Variants in ATF7IP observed in about 807,000 individuals in gnomAD.
The protein encoded by ATF7IP is activating transcription factor 7 interacting protein, also known as activating transcription factor 7-interacting protein 1.
In ATF7IP, 23 loss-of-function variants were observed where a neutral mutation model predicts 106.4. That is an observed-to-expected ratio of 0.22 (90% CI 0.16 to 0.31). The LOEUF (loss-of-function observed/expected upper bound fraction) is 0.31, where lower values mean the gene tolerates loss of function less well. Among genes scored for constraint, ATF7IP ranks in the 10% least tolerant of loss-of-function variants. ATF7IP has a pLI of 1.00. For missense variants in ATF7IP, 1,334 were observed against 1,524.3 expected, an observed-to-expected ratio of 0.88 and a Z score of 2.08; for synonymous variants, 542 against 539.0, an observed-to-expected ratio of 1.01 and a Z score of -0.08.
rs74069829 is a variant in ATF7IP at position 14,428,831 on chromosome 12, C to G, written c.1558+3358C>G. Among the ~76,000 whole-genome samples, 9 of 152,106 alleles carry G rather than the reference C, an allele frequency of 5.9e-5. No individual in the cohort carries two copies. In the East Asian group the frequency reaches 1.7e-3, roughly 29 times the overall value. ...AAATAGAAAAGCTATTTTAATTTTA[C>G]AAAAGTAGAAGAAAGAACTAAAAAA... is the stretch of plus-strand genomic sequence containing the variant. On this transcript the variant is annotated intron_variant, in intron 2 of 14. Coordinates refer to ENST00000261168, the MANE Select transcript of ATF7IP (RefSeq NM_018179.5).
At chr12:14,497,178 T>G (rs1447513232) in intron 14 of ATF7IP, among the ~76,000 whole-genome samples, 1 of 152,188 alleles carries the variant, frequency 6.6e-6, no homozygotes, top group African/African-American at 2.4e-5. Context: ...ATAGTACACA[T>G]TTAGTGTTAA....
chr12:14,496,437 A>T (rs1297060173), intron 14 of ATF7IP, 94 bp downstream of exon 14: 33 of 788,536 alleles, frequency 4.2e-5, no homozygotes, highest in Non-Finnish European at 6.5e-5. Flanking sequence ...GTTATATCCA[A>T]GGGAAGTGTT....
rs190631573 is a variant in ATF7IP at position 14,366,597 on chromosome 12, A to T, written c.-8+770A>T. Among the ~76,000 whole-genome samples, 7 of 152,296 alleles carry T rather than the reference A, an allele frequency of 4.6e-5. No homozygotes were observed. In the East Asian group the frequency reaches 1.2e-3, roughly 25 times the overall value. Reference sequence around the variant, plus strand: ...AGTAAATAAAGTTTTAATTTTAATCAGTTTGTATGTTTCTGGGCATTTGAA... The same window carrying T: ...AGTAAATAAAGTTTTAATTTTAATCTGTTTGTATGTTTCTGGGCATTTGAA... On this transcript the variant is annotated intron_variant, in intron 1 of 14. Coordinates refer to ENST00000261168, the MANE Select transcript of ATF7IP (RefSeq NM_018179.5).
chr12:14,371,903 G>A lies in ATF7IP; in HGVS notation c.-8+6076G>A, dbSNP rs977481656. Reference sequence around the variant, plus strand: ...TTTTCAAGGGAGTCACATGTATAAAGAAGCTTGAGAATAAAGTTCCTGCCT... The same window carrying A: ...TTTTCAAGGGAGTCACATGTATAAAAAAGCTTGAGAATAAAGTTCCTGCCT... On this transcript the variant is annotated intron_variant, in intron 1 of 14. Transcript: ENST00000261168. 3.3e-5 allele frequency among the ~76,000 whole-genome samples: 5 copies of A among 152,190 alleles called. No homozygotes were observed. The East Asian group carries it at 9.6e-4, about 29-fold the overall frequency.
At chr12:14,487,712 A>G (rs1344959253) in intron 13 of ATF7IP, among the ~76,000 whole-genome samples, 3 of 152,186 alleles carry the variant, frequency 2.0e-5, no homozygotes, top group South Asian at 2.1e-4. Flanking sequence ...CTCTTTCTCT[A>G]TAGGAGATAA....
intron 13 of ATF7IP, among the ~76,000 whole-genome samples, chr12:14,488,410 GA>G (rs915122179): frequency 2.0e-5 from 3 of 152,102 alleles, no homozygotes; most frequent in Admixed American, 6.6e-5. Context: ...TCCAGCACAG[GA>G]AAAAGATGTA....
intron 1 of ATF7IP, among the ~76,000 whole-genome samples, chr12:14,371,720 G>T (rs760162680): frequency 1.3e-4 from 20 of 152,162 alleles, no homozygotes; most frequent in Non-Finnish European, 2.6e-4. Flanking sequence ...ATTAATTGAT[G>T]ATTTTATTAA....
At chr12:14,490,648 G>C (rs1944784978) in intron 13 of ATF7IP, among the ~76,000 whole-genome samples, 2 of 152,132 alleles carry the variant, frequency 1.3e-5, no homozygotes, top group African/African-American at 4.8e-5. Flanking sequence ...CCAGGACCTA[G>C]TCTTAATCTT....
intron 14 of ATF7IP, among the ~76,000 whole-genome samples, chr12:14,497,269 T>C (rs745861445): frequency 1.3e-5 from 2 of 152,240 alleles, no homozygotes; most frequent in Non-Finnish European, 2.9e-5. Flanking sequence ...CCATACATGA[T>C]ATTTAAAAAT....
intron 2 of ATF7IP, among the ~76,000 whole-genome samples, chr12:14,426,379 T>G (rs1193547677): frequency 1.3e-5 from 2 of 152,050 alleles, no homozygotes; most frequent in East Asian, 3.9e-4. Flanking sequence ...TAGACATCTC[T>G]GAGAGAAGTG....
chr12:14,399,911 G>C (rs11055965), intron 1 of ATF7IP, among the ~76,000 whole-genome samples: 61,802 of 152,022 alleles, frequency 0.41, 13,277 homozygotes, highest in East Asian at 0.6. Flanking sequence ...GAGTGGTGGG[G>C]AAGTGGTACT....
rs751444994 is a variant in ATF7IP, at chr12:14,366,150, A to G, written c.-8+323A>G. ...TTTGTGTTAACCTTAAATTCTCACA[A>G]TTTTCAAGAAAAACATTACTCTAAT... is the stretch of plus-strand genomic sequence containing the variant. On this transcript the variant is annotated intron_variant, in intron 1 of 14. Coordinates refer to ENST00000261168, the MANE Select transcript of ATF7IP (RefSeq NM_018179.5). Among the ~76,000 whole-genome samples the G allele has an allele frequency of 3.2e-4, 49 of 152,142 alleles. 1 individual carries two copies. Among genetic ancestry groups the G allele is most frequent in the Non-Finnish European group, 1.0e-4 (7 of 68,022 alleles).
At chr12:14,481,876 TAAAG>T (rs35096129) in intron 13 of ATF7IP, 3,356 of 164,456 alleles carry the variant, frequency 0.02, 35 homozygotes, top group Middle Eastern at 0.039. Flanking sequence ...GGGAAAATGT[TAAAG>T]AAAGCTTGTA....
Position 14,473,442 on chromosome 12 carries a change from T to A in ATF7IP, c.2863-2448T>A, listed in dbSNP as rs570065739. On this transcript the variant is annotated intron_variant, in intron 10 of 14. Transcript: ENST00000261168. The stretch of plus-strand genomic sequence containing the variant: ...GAAGTTGCTTTCCTTAAATATGACG[T>A]TCATGTTTTCACATATATTGTGGTC... 2.0e-5 allele frequency among the ~76,000 whole-genome samples: 3 copies of A among 152,244 alleles called. No homozygotes were observed. In the South Asian group the frequency reaches 6.2e-4, roughly 32 times the overall value.
At chr12:14,495,741 G>A (rs1944991792) in intron 13 of ATF7IP, among the ~76,000 whole-genome samples, 1 of 152,134 alleles carries the variant, frequency 6.6e-6, no homozygotes, top group Admixed American at 6.5e-5. Context: ...TTTCTGTCCT[G>A]GTTGAAAAGA....
At chr12:14,434,307 T>G (rs1185406415) in intron 2 of ATF7IP, 30 bp from the exon 3 acceptor site, 6 of 1,299,876 alleles carry the variant, frequency 4.6e-6, no homozygotes, top group Non-Finnish European at 6.6e-6. Flanking sequence ...CTAGTAGAAG[T>G]AAGATTTTCT....
chr12:14,429,107 A>G (rs1455528598), intron 2 of ATF7IP, among the ~76,000 whole-genome samples: 1 of 152,186 alleles, frequency 6.6e-6, no homozygotes, highest in Admixed American at 6.5e-5. Context: ...TAACAAAGCT[A>G]GGACCATTTC....
chr12:14,405,267 A>T (rs1427035797), intron 1 of ATF7IP, among the ~76,000 whole-genome samples: 2 of 152,058 alleles, frequency 1.3e-5, no homozygotes, highest in Non-Finnish European at 2.9e-5. Context: ...TTGTGATAAA[A>T]AATAATTTTA....
rs1448246778 is a variant in ATF7IP at position 14,460,717 on chromosome 12, A to G, written c.2381A>G (p.Gln794Arg). 2 of 1,614,194 alleles carry G rather than the reference A, an allele frequency of 1.2e-6. No individual in the cohort carries two copies. Among genetic ancestry groups the G allele is most frequent in the Non-Finnish European group, 1.7e-6 (2 of 1,180,022 alleles). ...CATGTACCTGTTGCAGTATCCTCCC[A>G]GCCTCAGCTTCTACAGAGCCATCCA... The part of the protein sequence containing the change: ...ILHVPVAVSS[Q>R]PQLLQSHPGT... Residue 794 changes from glutamine to arginine, a missense_variant, in exon 9 of 15, where the codon CAG (glutamine) becomes CGG (arginine). Coordinates refer to ENST00000261168, the MANE Select transcript of ATF7IP (RefSeq NM_018179.5).
Sources: allele counts gnomAD v4.1 joint callset (sites outside exome capture counted in the v4.1 genomes callset), GRCh38; gene constraint gnomAD v4.1.1; transcripts MANE v1.5; gene names NCBI Gene and HGNC (gene_info 2026-07-23, HGNC 2026-07-21).